Variants in NCKAP5L observed in about 807,000 individuals in gnomAD.
The protein encoded by NCKAP5L is NCK associated protein 5 like.
Under a neutral mutation model 103.2 loss-of-function variants are expected in NCKAP5L, and 54 were observed. The ratio of observed to expected loss-of-function variants is 0.52; its 90% CI spans 0.42 to 0.66. NCKAP5L has a LOEUF of 0.66. Among genes scored for constraint, NCKAP5L ranks in the 30% least tolerant of loss-of-function variants. NCKAP5L has a pLI of 0.00. For missense variants in NCKAP5L, 1,733 were observed against 1,750.6 expected, an observed-to-expected ratio of 0.99 and a Z score of 0.18; for synonymous variants, 762 against 748.6, an observed-to-expected ratio of 1.02 and a Z score of -0.29.
At chr12:49,794,313 T>C (rs1945988872) in intron 8 of NCKAP5L, among the ~76,000 whole-genome samples, 1 of 152,188 alleles carries the variant, frequency 6.6e-6, no homozygotes, top group African/African-American at 2.4e-5. Context: ...TTCTGCCTCA[T>C]CTGGCCCAGA....
At chr12:49,815,206 C>T (rs1184236229) in intron 1 of NCKAP5L, among the ~76,000 whole-genome samples, 1 of 152,182 alleles carries the variant, frequency 6.6e-6, no homozygotes, top group Admixed American at 6.5e-5. Context: ...TATCCTGTTT[C>T]TCCTTAAATT....
rs1285699046 is a variant in NCKAP5L at position 49,795,745 on chromosome 12, A to G, written c.2115T>C (p.Ala705=). 1 of 1,600,742 alleles carries G rather than the reference A, an allele frequency of 6.2e-7. No homozygotes were observed. The highest frequency in any genetic ancestry group is 1.1e-5 in the South Asian group (1 of 88,928). ...TRGPGKSGES[A]GDMVPSIHRP... ...TGTGGATGGAGGGCACCATGTCTCC[A>G]GCACTCTCCCCTGACTTCCCAGGTC... The change falls in exon 8 of 13, where the codon GCT becomes GCC. Residue 705 remains alanine, a synonymous_variant. Transcript: ENST00000335999.
At chr12:49,827,979 G>C (rs946512460) in intron 1 of NCKAP5L, among the ~76,000 whole-genome samples, 1 of 152,126 alleles carries the variant, frequency 6.6e-6, no homozygotes, top group African/African-American at 2.4e-5. Flanking sequence ...CTGGGGCAAG[G>C]TCAGTGCTTT....
chr12:49,816,798 T>TTA (rs1555151229), intron 1 of NCKAP5L, among the ~76,000 whole-genome samples: 1 of 138,158 alleles, frequency 7.2e-6, no homozygotes, highest in Admixed American at 7.4e-5. Flanking sequence ...GTCTGTCTCA[T>TTA]AAAAAAAAAA....
At chr12:49,820,067 T>A (rs1340518060) in intron 1 of NCKAP5L, among the ~76,000 whole-genome samples, 1 of 152,166 alleles carries the variant, frequency 6.6e-6, no homozygotes, top group African/African-American at 2.4e-5. Flanking sequence ...CTGGCCGAAT[T>A]AGGGAGTTGG....
At chr12:49,822,757 AG>A (rs1946375063) in intron 1 of NCKAP5L, among the ~76,000 whole-genome samples, 1 of 152,010 alleles carries the variant, frequency 6.6e-6, no homozygotes, top group Admixed American at 6.5e-5. Flanking sequence ...CGTCTTAGTC[AG>A]GCTGGTCTTG....
intron 4 of NCKAP5L, 37 bp downstream of exon 4, chr12:49,803,060 A>G (rs763955182): frequency 6.8e-5 from 110 of 1,614,100 alleles, no homozygotes; most frequent in Non-Finnish European, 9.0e-5. Flanking sequence ...GGAGCAGATG[A>G]GCCACATCCC....
chr12:49,793,112 T>A, intron 10 of NCKAP5L, 126 bp from the exon 11 acceptor site: 1 of 866,696 alleles, frequency 1.2e-6, no homozygotes, highest in South Asian at 1.8e-5. Context: ...ACAGGCTCAT[T>A]CCACAGCACC....
Position 49,804,055 on chromosome 12 carries a change from G to T in NCKAP5L, c.-11C>A. ...CATGGCCTCTGACATCTGGCCCTGG[G>T]AACAAGGAAGAGAAGCCCCGGCAGG... On this transcript the variant is annotated 5_prime_UTR_variant, in exon 3 of 13. Coordinates refer to ENST00000335999, the MANE Select transcript of NCKAP5L (RefSeq NM_001037806.4). The T allele has an allele frequency of 6.2e-7, 1 of 1,608,252 alleles. No homozygotes were observed. The highest frequency in any genetic ancestry group is 1.1e-5 in the South Asian group (1 of 91,044).
chr12:49,791,677 G>A lies in NCKAP5L; in HGVS notation c.*162C>T. 2 of 587,998 alleles carry A rather than the reference G, an allele frequency of 3.4e-6. No homozygotes were observed. The highest frequency in any genetic ancestry group is 2.4e-5 in the South Asian group (1 of 41,484). The allele number at this position is 587,998 out of a possible 1,614,324, so 36.4% of individuals were successfully genotyped here. ...CACGGTCATCTCATCCGCCGAAGCAGTGGGTGGTGGGGTGTGCCAGGGACC... is the reference window on the plus strand; with the variant it reads ...CACGGTCATCTCATCCGCCGAAGCAATGGGTGGTGGGGTGTGCCAGGGACC... On this transcript the variant is annotated 3_prime_UTR_variant, in exon 13 of 13. Coordinates refer to ENST00000335999, the MANE Select transcript of NCKAP5L (RefSeq NM_001037806.4).
chr12:49,813,269 G>C (rs1283302736), intron 1 of NCKAP5L, among the ~76,000 whole-genome samples: 1 of 152,188 alleles, frequency 6.6e-6, no homozygotes, highest in East Asian at 1.9e-4. Context: ...ACCACCAGCA[G>C]TGTATGAGGG....
chr12:49,807,293 G>C (rs1362064849), intron 1 of NCKAP5L, among the ~76,000 whole-genome samples: 1 of 152,062 alleles, frequency 6.6e-6, no homozygotes, highest in African/African-American at 2.4e-5. Flanking sequence ...GTGGGAAGGG[G>C]ACTTCTGAAA....
chr12:49,793,775 G>A lies in NCKAP5L; in HGVS notation c.3217C>T (p.Leu1073=). 1.2e-6 allele frequency: 2 copies of A among 1,603,466 alleles called. No homozygotes were observed. Among genetic ancestry groups the A allele is most frequent in the South Asian group, 1.1e-5 (1 of 89,310 alleles). ...CCGCAGCCCTGAAGAGGGCCCACCAGGCCATTCCGGGGCCCACAGGCTGGC... is the reference window on the plus strand; with the variant it reads ...CCGCAGCCCTGAAGAGGGCCCACCAAGCCATTCCGGGGCCCACAGGCTGGC... ...PWPACGPRNG[L]VGPLQGCGKP... Residue 1073 remains leucine (L), a synonymous_variant, in exon 9 of 13, where the codon CTG becomes TTG. Transcript: ENST00000335999.
At chr12:49,801,694 C>A (rs924464172) in intron 6 of NCKAP5L, among the ~76,000 whole-genome samples, 154 bp downstream of exon 6, 3 of 152,162 alleles carry the variant, frequency 2.0e-5, no homozygotes, top group African/African-American at 7.2e-5. Context: ...CGGCCAAACC[C>A]AGGGGACTTG....
rs558860582 is a variant in NCKAP5L, at chr12:49,801,427, T to C, written c.351+421A>G. On this transcript the variant is annotated intron_variant, in intron 6 of 12. Transcript: ENST00000335999. ...GTCAGGGCTCCCAGCAGAGACTGTCTGTGAACAGTTATCAGAACCGAAATG... is the reference window on the plus strand; with the variant it reads ...GTCAGGGCTCCCAGCAGAGACTGTCCGTGAACAGTTATCAGAACCGAAATG... Among the ~76,000 whole-genome samples the C allele has an allele frequency of 7.9e-5, 12 of 152,292 alleles. No individual in the cohort carries two copies. The East Asian group carries it at 2.3e-3, about 29-fold the overall frequency.
rs1946446161 is a variant in NCKAP5L, at chr12:49,828,307, A to G, written c.-99+15T>C. ...ACTCGCCGCCCTTTCAATCCCAAGT[A>G]GACCCAGAACTCACCGAAATCAGGT... On this transcript the variant is annotated intron_variant, in intron 1 of 12. Coordinates refer to ENST00000335999, the MANE Select transcript of NCKAP5L (RefSeq NM_001037806.4). 1 of 152,426 alleles carries G rather than the reference A, an allele frequency of 6.6e-6. No homozygotes were observed. Among genetic ancestry groups the G allele is most frequent in the Non-Finnish European group, 1.5e-5 (1 of 68,316 alleles). 9.4% of individuals were successfully genotyped at this position (152,426 alleles called of 1,614,324 possible).
chr12:49,791,767 G>T lies in NCKAP5L; in HGVS notation c.*72C>A. 1 of 1,364,944 alleles carries T rather than the reference G, an allele frequency of 7.3e-7. No individual in the cohort carries two copies. The highest frequency in any genetic ancestry group is 9.8e-7 in the Non-Finnish European group (1 of 1,019,494). 84.6% of individuals were successfully genotyped at this position (1,364,944 alleles called of 1,614,324 possible). A position where few individuals can be genotyped will look rare whatever the true frequency, so the allele number is the denominator to read the frequency against. On this transcript the variant is annotated 3_prime_UTR_variant, in exon 13 of 13. Transcript: ENST00000335999. ...TCAGGGAGGGGTCCCCGTCTCCGGG[G>T]GCTGGGCATGAAGAGAGCCGGTCCA...
chr12:49,803,353 G>A (rs1946142309), intron 3 of NCKAP5L, among the ~76,000 whole-genome samples, 188 bp from the exon 4 acceptor site: 1 of 152,180 alleles, frequency 6.6e-6, no homozygotes, highest in Non-Finnish European at 1.5e-5. Flanking sequence ...AGGAGGGCAG[G>A]GCTGACCTGG....
In NCKAP5L at chr12:49,826,246, TA is replaced by T. The variant is rs540700303; in HGVS notation, c.-99+2075del. Among the ~76,000 whole-genome samples the T allele has an allele frequency of 7.9e-5, 12 of 152,222 alleles. 1 individual carries two copies. In the South Asian group the frequency reaches 2.3e-3, roughly 29 times the overall value. ...ATGTTGTGCTCCCTGGCCCAGATCC[TA>T]AAACAAGTCCCAACAGCTGAGACGT... On this transcript the variant is annotated intron_variant, in intron 1 of 12. Transcript: ENST00000335999.
Sources: gnomAD v4.1 joint callset for allele counts (sites outside exome capture counted in the v4.1 genomes callset) on GRCh38, gnomAD v4.1.1 for gene constraint, MANE v1.5 for transcripts, NCBI Gene and HGNC (gene_info 2026-07-23, HGNC 2026-07-21) for gene names.